ENOX2: variants seen among roughly 807,000 people sequenced by gnomAD.
ENOX2 encodes ecto-NOX disulfide-thiol exchanger 2.
A neutral mutation model predicts 45.0 loss-of-function variants in ENOX2; 36 were observed. The ratio of observed to expected loss-of-function variants is 0.80; its 90% CI spans 0.61 to 1.06. The LOEUF is 1.06. Ranked by LOEUF, ENOX2 falls within the 50% of genes least tolerant of loss-of-function variation. The pLI, the probability that ENOX2 is intolerant of heterozygous loss-of-function variation, is 0.00. For missense variants in ENOX2, 423 were observed against 462.5 expected, an observed-to-expected ratio of 0.91 and a Z score of 0.78; for synonymous variants, 174 against 152.3, an observed-to-expected ratio of 1.14 and a Z score of -1.05.
chrX:130,901,727 G>T lies in ENOX2; in HGVS notation c.-226C>A, dbSNP rs1000195403. On this transcript the variant is annotated 5_prime_UTR_variant, in exon 2 of 15. Transcript: ENST00000394363. ...TCTCCAAGAATTGATCTCAAATCAG[G>T]TTCCCTAGGATGAAAAGAAAAATCA... 4 of 111,966 alleles carry T rather than the reference G, an allele frequency of 3.6e-5. No individual in the cohort carries two copies. Among genetic ancestry groups the T allele is most frequent in the African/African-American group, 9.8e-5 (3 of 30,756 alleles). The allele number at this position is 111,966 out of a possible 1,213,427, so 9.2% of individuals were successfully genotyped here.
At chrX:130,794,791 G>C (rs1349539688) in intron 2 of ENOX2, among the ~76,000 whole-genome samples, 6 of 112,039 alleles carry the variant, frequency 5.4e-5, no homozygotes, top group Non-Finnish European at 1.1e-4. Context: ...TCTTTGCTTT[G>C]CCCAAAATGT....
At position 130,813,447 on chromosome X, in the gene ENOX2, G is replaced by A. The variant is rs780495329; in HGVS notation, c.-182-29757C>T. Reference sequence around the variant, plus strand: ...ACATCACTATAAGAAAATGAAGAAAGGGGGTGGCTGGAAAGATGGCTGAAT... The same window carrying A: ...ACATCACTATAAGAAAATGAAGAAAAGGGGTGGCTGGAAAGATGGCTGAAT... On this transcript the variant is annotated intron_variant, in intron 2 of 14. Transcript: ENST00000394363. Among the ~76,000 whole-genome samples the A allele has an allele frequency of 8.0e-5, 9 of 112,208 alleles. No homozygotes were observed. In the South Asian group the frequency reaches 3.3e-3, roughly 42 times the overall value.
At chrX:130,645,755 G>A (rs2036215866) in intron 10 of ENOX2, 2 of 825,941 alleles carry the variant, frequency 2.4e-6, no homozygotes, top group Non-Finnish European at 3.5e-6. Context: ...TGTGGCGCCG[G>A]CTTCTGCGGA....
In ENOX2 at chrX:130,722,783, A is replaced by G. The variant is rs190080219; in HGVS notation, c.-38-19529T>C. Reference sequence around the variant, plus strand: ...GAGGAGAGAATTGAGGTTGATGCATATCTGGAATTACCAGTGAATTCGCCA... The same window carrying G: ...GAGGAGAGAATTGAGGTTGATGCATGTCTGGAATTACCAGTGAATTCGCCA... On this transcript the variant is annotated intron_variant, in intron 3 of 14. Transcript: ENST00000394363. Among the ~76,000 whole-genome samples, 15 of 112,372 alleles carry G rather than the reference A, an allele frequency of 1.3e-4. No homozygotes were observed. The East Asian group carries it at 3.6e-3, about 27-fold the overall frequency.
At chrX:130,703,538 T>C (rs1016469091) in intron 3 of ENOX2, among the ~76,000 whole-genome samples, 17 of 108,911 alleles carry the variant, frequency 1.6e-4, no homozygotes, top group East Asian at 5.7e-4. Context: ...CTCTCTCTCT[T>C]TTTTCAAGCA....
chrX:130,694,677 A>ACTG (rs1332809663), intron 4 of ENOX2, among the ~76,000 whole-genome samples: 4 of 99,147 alleles, frequency 4.0e-5, no homozygotes, highest in Non-Finnish European at 8.0e-5. Flanking sequence ...ATCTCAGCTC[A>ACTG]CTGCAACCTC....
At chrX:130,686,373 C>A (rs2037449768) in intron 5 of ENOX2, among the ~76,000 whole-genome samples, 2 of 111,299 alleles carry the variant, frequency 1.8e-5, no homozygotes, top group Admixed American at 9.5e-5. Flanking sequence ...CCTGCTCCTG[C>A]CACACGAGAC....
chrX:130,682,583 CAAAAAAAAAAAAAAAA>C (rs55875735), intron 5 of ENOX2, among the ~76,000 whole-genome samples: 38 of 14,659 alleles, frequency 2.6e-3, no homozygotes, highest in Admixed American at 0.017. Context: ...GACTCCGTCT[CAAAAAAAAAAAAAAAA>C]AAAAAAAAAA....
chrX:130,740,517 C>T (rs1460722019), intron 3 of ENOX2, among the ~76,000 whole-genome samples: 1 of 111,403 alleles, frequency 9.0e-6, no homozygotes, highest in African/African-American at 3.3e-5. Flanking sequence ...GTGAGGGAAA[C>T]ATTCATGGAA....
chrX:130,677,942 C>T (rs1196425186), intron 6 of ENOX2, among the ~76,000 whole-genome samples: 1 of 109,330 alleles, frequency 9.1e-6, no homozygotes, highest in Admixed American at 9.8e-5. Context: ...CAAAAATTAG[C>T]CGGGCGTGGT....
chrX:130,789,974 T>C (rs889396437), intron 2 of ENOX2, among the ~76,000 whole-genome samples: 8 of 112,336 alleles, frequency 7.1e-5, no homozygotes, highest in African/African-American at 2.6e-4. Context: ...TCCAAAAGAG[T>C]TGGACCGCAA....
intron 2 of ENOX2, among the ~76,000 whole-genome samples, chrX:130,814,313 G>C (rs956717575): frequency 8.9e-6 from 1 of 112,253 alleles, no homozygotes. Flanking sequence ...AGCTATGGGC[G>C]CAGCTTCAGC....
At chrX:130,814,809 T>C (rs1004150672) in intron 2 of ENOX2, among the ~76,000 whole-genome samples, 26 of 111,806 alleles carry the variant, frequency 2.3e-4, no homozygotes, top group Non-Finnish European at 1.3e-4. Flanking sequence ...GCAAAAAGTC[T>C]GAAAATTCCA....
intron 2 of ENOX2, among the ~76,000 whole-genome samples, chrX:130,828,579 T>C (rs987378587): frequency 1.8e-5 from 2 of 111,990 alleles, no homozygotes; most frequent in Admixed American, 1.9e-4. Flanking sequence ...ATGATCCATT[T>C]TGATTGTTAC....
At chrX:130,700,134 T>C (rs1255482962) in intron 4 of ENOX2, among the ~76,000 whole-genome samples, 2 of 112,356 alleles carry the variant, frequency 1.8e-5, no homozygotes, top group African/African-American at 3.2e-5. Flanking sequence ...GATTTGAACA[T>C]AGGCATTCTG....
intron 2 of ENOX2, among the ~76,000 whole-genome samples, chrX:130,802,247 A>G (rs1397496067): frequency 8.9e-6 from 1 of 111,968 alleles, no homozygotes; most frequent in East Asian, 2.8e-4. Flanking sequence ...TGCTTCCCAG[A>G]TATCCTCTAG....
rs1236436536 is a variant in ENOX2 at position 130,883,570 on chromosome X, T to A, written c.-183+18114A>T. Among the ~76,000 whole-genome samples, 3 of 112,117 alleles carry A rather than the reference T, an allele frequency of 2.7e-5. No individual in the cohort carries two copies. In the East Asian group the frequency reaches 8.3e-4, roughly 31 times the overall value. On this transcript the variant is annotated intron_variant, in intron 2 of 14. Coordinates refer to ENST00000394363, the MANE Select transcript of ENOX2 (RefSeq NM_006375.4). ...GCCTTAATTATTGTATTATTCATAA[T>A]AAGCATATTAAGTCCTTTTTGGAAA...
chrX:130,805,857 C>T (rs1323681017), intron 2 of ENOX2, among the ~76,000 whole-genome samples: 2 of 111,710 alleles, frequency 1.8e-5, no homozygotes, highest in African/African-American at 6.5e-5. Context: ...TGTTCCTGCT[C>T]GCAGCTGAAG....
intron 3 of ENOX2, among the ~76,000 whole-genome samples, chrX:130,707,163 G>A (rs1026779183): frequency 2.7e-5 from 3 of 112,036 alleles, no homozygotes; most frequent in Non-Finnish European, 5.6e-5. Flanking sequence ...TTCAGAAGGC[G>A]AATGCTACTG....
Sources: gnomAD v4.1 joint callset for allele counts (sites outside exome capture counted in the v4.1 genomes callset) on GRCh38, gnomAD v4.1.1 for gene constraint, MANE v1.5 for transcripts, NCBI Gene and HGNC (gene_info 2026-07-23, HGNC 2026-07-21) for gene names.